Variants in SCRN1 observed in about 807,000 individuals in gnomAD.
The protein encoded by SCRN1 is secernin-1.
SCRN1 carries 19 observed loss-of-function variants against 43.3 expected under a neutral mutation model. The observed-to-expected ratio is 0.44, with a 90% CI of 0.31 to 0.64. The LOEUF (loss-of-function observed/expected upper bound fraction) is 0.64. Among genes scored for constraint, SCRN1 ranks in the 30% least tolerant of loss-of-function variants. The probability of loss-of-function intolerance (pLI) is 0.09; values close to 1 mark genes in which losing one functional copy is unlikely to be tolerated. For synonymous variants in SCRN1, 183 were observed against 188.9 expected, an observed-to-expected ratio of 0.97 and a Z score of 0.26; for missense variants, 447 against 524.1, an observed-to-expected ratio of 0.85 and a Z score of 1.44.
intron 1 of SCRN1, among the ~76,000 whole-genome samples, chr7:29,971,260 A>G (rs1206532902): frequency 6.6e-6 from 1 of 152,214 alleles, no homozygotes; most frequent in Non-Finnish European, 1.5e-5. Context: ...GCCACAGCCC[A>G]CAGGTTTATC....
In SCRN1 at chr7:29,923,642, T is replaced by C. The variant is rs907325165; in HGVS notation, c.*315A>G. On this transcript the variant is annotated 3_prime_UTR_variant, in exon 8 of 8. Coordinates refer to ENST00000242059, the MANE Select transcript of SCRN1 (RefSeq NM_014766.5). The stretch of plus-strand genomic sequence containing the variant: ...CTGCCTTTCAAGGCTTGATGAACTC[T>C]AGTCCTCTTGTAAAAGGCTAATGTG... The C allele has an allele frequency of 1.8e-5, 4 of 221,202 alleles. No individual in the cohort carries two copies. Among genetic ancestry groups the C allele is most frequent in the South Asian group, 9.1e-5 (1 of 10,996 alleles). 13.7% of individuals were successfully genotyped at this position (221,202 alleles called of 1,614,324 possible). A position where few individuals can be genotyped will look rare whatever the true frequency, so the allele number is the denominator to read the frequency against.
chr7:29,985,508 A>C (rs1430107689), intron 1 of SCRN1, among the ~76,000 whole-genome samples: 1 of 152,184 alleles, frequency 6.6e-6, no homozygotes, highest in Non-Finnish European at 1.5e-5. Flanking sequence ...GCTAGGTCCC[A>C]GGTCCCCTAA....
intron 5 of SCRN1, among the ~76,000 whole-genome samples, chr7:29,938,321 C>T (rs113842191): frequency 0.034 from 5,197 of 152,340 alleles, 115 homozygotes; most frequent in African/African-American, 0.067. Context: ...CATGAGCCAC[C>T]GCACCCACTC....
chr7:29,973,494 C>T lies in SCRN1; in HGVS notation c.-1-4426G>A, dbSNP rs774017802. Among the ~76,000 whole-genome samples, 20 of 152,210 alleles carry T rather than the reference C, an allele frequency of 1.3e-4. No homozygotes were observed. The East Asian group carries it at 1.5e-3, about 12-fold the overall frequency. The stretch of plus-strand genomic sequence containing the variant: ...AGGCCCTGCAACTGGAGAAAAGGAA[C>T]GGAGCCAAGAAATTAAAAAGCTGAT... On this transcript the variant is annotated intron_variant, in intron 1 of 7. Coordinates refer to ENST00000242059, the MANE Select transcript of SCRN1 (RefSeq NM_014766.5).
chr7:29,939,081 A>G (rs1178801984), intron 5 of SCRN1, among the ~76,000 whole-genome samples: 4 of 152,130 alleles, frequency 2.6e-5, no homozygotes, highest in Non-Finnish European at 5.9e-5. Flanking sequence ...AATTAAAAAA[A>G]TTTTGATTTT....
intron 2 of SCRN1, among the ~76,000 whole-genome samples, chr7:29,960,458 T>C (rs1788272155): frequency 6.6e-6 from 1 of 152,100 alleles, no homozygotes; most frequent in African/African-American, 2.4e-5. Context: ...GGAGACAATA[T>C]TTATTACCAA....
intron 1 of SCRN1, 121 bp downstream of exon 1, chr7:29,989,521 T>C: frequency 1.0e-6 from 1 of 980,282 alleles, no homozygotes. Flanking sequence ...GGGGTAACGC[T>C]ACCCGCGGGT....
chr7:29,979,374 G>C (rs1344978953), intron 1 of SCRN1, among the ~76,000 whole-genome samples: 1 of 150,886 alleles, frequency 6.6e-6, no homozygotes, highest in Non-Finnish European at 1.5e-5. Context: ...AAAAGAAAAA[G>C]AAAAAAAAAT....
intron 1 of SCRN1, chr7:29,988,578 T>A (rs1789239713): frequency 6.6e-6 from 1 of 152,416 alleles, no homozygotes; most frequent in Non-Finnish European, 1.5e-5. Context: ...GCTGCCATTT[T>A]GAATTAGCAT....
At chr7:29,986,044 G>A (rs904229234) in intron 1 of SCRN1, among the ~76,000 whole-genome samples, 8 of 152,348 alleles carry the variant, frequency 5.3e-5, no homozygotes, top group African/African-American at 7.2e-5. Context: ...AGACCAGCCC[G>A]ACCAATATGG....
intron 4 of SCRN1, 142 bp downstream of exon 4, chr7:29,943,835 G>A: frequency 4.1e-6 from 3 of 736,800 alleles, no homozygotes; most frequent in Non-Finnish European, 6.9e-6. Context: ...GAAATGAGAG[G>A]CATGCCAAAG....
Position 29,955,300 on chromosome 7 carries a change from C to T in SCRN1, c.220G>A (p.Ala74Thr). 1.9e-6 allele frequency: 3 copies of T among 1,614,118 alleles called. No homozygotes were observed. The highest frequency in any genetic ancestry group is 2.5e-6 in the Non-Finnish European group (3 of 1,180,012). Reference protein sequence around the residue: ...RTYAIMISRPAWLWGAEMGAN... With the variant: ...RTYAIMISRPTWLWGAEMGAN... ...CCCATTTCTGCTCCCCAGAGCCAGG[C>T]GGGTCTGCTTATCATTATGGCATAG... is the stretch of plus-strand genomic sequence containing the variant. Residue 74 changes from alanine (A) to threonine (T), a missense_variant, in exon 3 of 8, where the codon GCC becomes ACC. Coordinates refer to ENST00000242059, the MANE Select transcript of SCRN1 (RefSeq NM_014766.5).
intron 2 of SCRN1, among the ~76,000 whole-genome samples, chr7:29,958,987 G>C (rs1339834164): frequency 6.6e-6 from 1 of 152,200 alleles, no homozygotes; most frequent in African/African-American, 2.4e-5. Context: ...AAAGAACCTA[G>C]AGCCAAAGAC....
At chr7:29,934,692 C>G (rs4719996) in intron 6 of SCRN1, among the ~76,000 whole-genome samples, 117,436 of 152,128 alleles carry the variant, frequency 0.77, 45,957 homozygotes, top group East Asian at 0.95. Flanking sequence ...TGGAGCCAAA[C>G]ATTCAGAACT....
chr7:29,942,337 C>A lies in SCRN1; in HGVS notation c.545-1461G>T, dbSNP rs555058664. On this transcript the variant is annotated intron_variant, in intron 4 of 7. Coordinates refer to ENST00000242059, the MANE Select transcript of SCRN1 (RefSeq NM_014766.5). ...CTGCTGGGATCAGACGACATGAAATCAGTAAGTCCAAGAAATGGCTGGGGT... is the reference window on the plus strand; with the variant it reads ...CTGCTGGGATCAGACGACATGAAATAAGTAAGTCCAAGAAATGGCTGGGGT... Among the ~76,000 whole-genome samples the A allele has an allele frequency of 1.4e-4, 21 of 152,302 alleles. No individual in the cohort carries two copies. In the South Asian group the frequency reaches 4.4e-3, roughly 32 times the overall value.
rs771263517 is a variant in SCRN1 at position 29,943,968 on chromosome 7, C to T, written c.544+9G>A. The T allele has an allele frequency of 5.0e-6, 8 of 1,613,800 alleles. No individual in the cohort carries two copies. The highest frequency in any genetic ancestry group is 1.6e-4 in the Middle Eastern group (1 of 6,074). ...TCCTCAGAACTCTCCATCATCCACACCCACTCACCTGTGACTTTCTCGGCA... is the reference window on the plus strand; with the variant it reads ...TCCTCAGAACTCTCCATCATCCACATCCACTCACCTGTGACTTTCTCGGCA... On this transcript the variant is annotated intron_variant, in intron 4 of 7. Transcript: ENST00000242059.
intron 2 of SCRN1, among the ~76,000 whole-genome samples, chr7:29,964,212 C>T (rs1217661001): frequency 2.6e-5 from 4 of 152,172 alleles, no homozygotes; most frequent in Admixed American, 2.6e-4. Flanking sequence ...AAAGACTGCA[C>T]ACAAATATTT....
intron 2 of SCRN1, among the ~76,000 whole-genome samples, chr7:29,966,006 C>T (rs1307481910): frequency 6.6e-6 from 1 of 151,832 alleles, no homozygotes; most frequent in Admixed American, 6.6e-5. Context: ...TTTTTTAATG[C>T]TCATGGATTT....
chr7:29,990,145 C>G (rs950444243), upstream of SCRN1: 1 of 1,551,594 alleles, frequency 6.4e-7, no homozygotes, highest in Non-Finnish European at 8.7e-7. Flanking sequence ...CCTCGGCGCC[C>G]ACACAAGATT....
Sources: allele counts gnomAD v4.1 joint callset (sites outside exome capture counted in the v4.1 genomes callset), GRCh38; gene constraint gnomAD v4.1.1; transcripts MANE v1.5; gene names NCBI Gene and HGNC (gene_info 2026-07-23, HGNC 2026-07-21).